INPP5F: variants seen among roughly 807,000 people sequenced by gnomAD.
INPP5F encodes the protein phosphatidylinositide 4-phosphatase SAC2.
Under a neutral mutation model 137.2 loss-of-function variants are expected in INPP5F, and 97 were observed. The observed-to-expected ratio is 0.71, with a 90% CI of 0.60 to 0.84. The LOEUF is 0.84. Ranked by LOEUF, INPP5F falls within the 40% of genes least tolerant of loss-of-function variation. The pLI, the probability that INPP5F is intolerant of heterozygous loss-of-function variation, is 0.00. For synonymous variants in INPP5F, 504 were observed against 476.9 expected (o/e 1.06, Z -0.74); for missense variants, 1,271 against 1,371.9 (o/e 0.93, Z 1.16).
intron 9 of INPP5F, 26 bp from the exon 10 acceptor site, chr10:119,804,146 AT>A: frequency 6.5e-7 from 1 of 1,535,430 alleles, no homozygotes. Context: ...ATCTAACTAA[AT>A]TTTTTCTGTT....
rs148632660 is a variant in INPP5F at position 119,827,223 on chromosome 10, A to G, written c.2842A>G (p.Ile948Val). The G allele has an allele frequency of 9.3e-6, 15 of 1,614,036 alleles. No homozygotes were observed. In the African/African-American group the frequency reaches 9.3e-5, roughly 10 times the overall value. ...AAGTCCTTCTGCTGGCGACGTACAC[A>G]TATTGACTGGCTTTGCCAAGCCTAT... ...KKSPSAGDVHILTGFAKPMDI... is the reference protein window; with the variant it reads ...KKSPSAGDVHVLTGFAKPMDI... Residue 948 changes from isoleucine (I) to valine (V), a missense_variant, in exon 20 of 20, where the codon ATA becomes GTA. Physicochemically the swap from Ile to Val is conservative, Grantham distance 29. Transcript: ENST00000650623.
At chr10:119,745,729 A>G in intron 1 of INPP5F, among the ~76,000 whole-genome samples, 1 of 123,076 alleles carries the variant, frequency 8.1e-6, no homozygotes. Flanking sequence ...TTTTGAGATG[A>G]AGCCTCACTC....
chr10:119,800,750 A>G (rs1850559425), intron 9 of INPP5F, among the ~76,000 whole-genome samples: 2 of 151,940 alleles, frequency 1.3e-5, no homozygotes, highest in African/African-American at 4.8e-5. Context: ...TAAAAAAGTT[A>G]AGAAGCTTAG....
intron 1 of INPP5F, among the ~76,000 whole-genome samples, chr10:119,745,292 C>T (rs1040466553): frequency 1.3e-5 from 2 of 152,046 alleles, no homozygotes; most frequent in African/African-American, 4.8e-5. Flanking sequence ...ACTACCAGCT[C>T]ACTCCCTAAG....
At position 119,820,876 on chromosome 10, in the gene INPP5F, T is replaced by C; in HGVS notation, c.1917T>C (p.Asp639=). The change falls in exon 16 of 20, where the codon GAT becomes GAC. Residue 639 remains aspartate (D), a synonymous_variant. Transcript: ENST00000650623. ...SLIDATHRDV[D]VLLLLSNSAY... is the part of the protein sequence containing the mutation. ...TTGATGCTACTCACAGAGACGTGGA[T>C]GTGCTGTTACTGCTTTCTAACTCTG... 6.2e-7 allele frequency: 1 copy of C among 1,612,196 alleles called. No homozygotes were observed. The highest frequency in any genetic ancestry group is 1.1e-5 in the South Asian group (1 of 91,050).
intron 2 of INPP5F, among the ~76,000 whole-genome samples, chr10:119,777,544 AATAAT>A (rs1164004934): frequency 6.6e-6 from 1 of 152,088 alleles, no homozygotes; most frequent in Non-Finnish European, 1.5e-5. Flanking sequence ...AAATAAATAA[AATAAT>A]ATAAGTTAGA....
Position 119,791,466 on chromosome 10 carries a change from TTTAAC to T in INPP5F, c.316-50_316-46del, listed in dbSNP as rs747395742. 54 of 1,461,596 alleles carry T rather than the reference TTTAAC, an allele frequency of 3.7e-5. No homozygotes were observed. In the African/African-American group the frequency reaches 5.9e-4, roughly 16 times the overall value. 90.5% of individuals were successfully genotyped at this position (1,461,596 alleles called of 1,614,324 possible). Reference sequence around the variant, plus strand: ...TAGCATTCACTTTTGCACTCGAACATTTAACAAACAGGTATTAGTAATAACAAATC... The same window carrying T: ...TAGCATTCACTTTTGCACTCGAACATAAACAGGTATTAGTAATAACAAATC... On this transcript the variant is annotated intron_variant, in intron 3 of 19. Coordinates refer to ENST00000650623, the MANE Select transcript of INPP5F (RefSeq NM_014937.4).
At chr10:119,811,729 A>G in intron 14 of INPP5F, 28 bp from the exon 15 acceptor site, 1 of 1,542,604 alleles carries the variant, frequency 6.5e-7, no homozygotes, top group South Asian at 1.2e-5. Context: ...AACTAAAATG[A>G]TGATAGATAT....
rs1851660681 is a variant in INPP5F, at chr10:119,823,862, A to G, written c.2209A>G (p.Met737Val). ...GATGCTGCAGATCACCAAGCAAGCC[A>G]TGGGATCGGATTTACCCATAATTGA... ...AEMLQITKQAMGSDLPIIEKK... is the reference protein window; with the variant it reads ...AEMLQITKQAVGSDLPIIEKK... The change falls in exon 19 of 20, where the codon ATG becomes GTG. Residue 737 changes from methionine to valine, a missense_variant. Coordinates refer to ENST00000650623, the MANE Select transcript of INPP5F (RefSeq NM_014937.4). 1 of 1,614,132 alleles carries G rather than the reference A, an allele frequency of 6.2e-7. No individual in the cohort carries two copies. Among genetic ancestry groups the G allele is most frequent in the Non-Finnish European group, 8.5e-7 (1 of 1,179,996 alleles).
In INPP5F at chr10:119,792,148, C is replaced by A. The variant is rs1005753813; in HGVS notation, c.613-9C>A. 4.3e-6 allele frequency: 7 copies of A among 1,613,916 alleles called. No homozygotes were observed. The African/African-American group carries it at 9.3e-5, about 22-fold the overall frequency. On this transcript the variant is annotated splice_polypyrimidine_tract_variant and intron_variant, in intron 5 of 19. Transcript: ENST00000650623. Reference sequence around the variant, plus strand: ...TGTTTCTGAACTATTGTTCCTGCACCTTTTCTAGGTTGATGACCGATTTTT... The same window carrying A: ...TGTTTCTGAACTATTGTTCCTGCACATTTTCTAGGTTGATGACCGATTTTT...
chr10:119,735,696 T>G (rs1252268294), intron 1 of INPP5F, among the ~76,000 whole-genome samples: 1 of 152,216 alleles, frequency 6.6e-6, no homozygotes, highest in Non-Finnish European at 1.5e-5. Context: ...AGGCAGGGAC[T>G]TCCAGAATTC....
intron 3 of INPP5F, among the ~76,000 whole-genome samples, chr10:119,785,569 AGAGAGAGAGACT>A (rs1434869828): frequency 6.6e-6 from 1 of 151,184 alleles, no homozygotes; most frequent in African/African-American, 2.4e-5. Context: ...AGAGAGAGAG[AGAGAGAGAGACT>A]GAGACTGACT....
At chr10:119,742,935 T>C (rs1436508271) in intron 1 of INPP5F, among the ~76,000 whole-genome samples, 9 of 152,020 alleles carry the variant, frequency 5.9e-5, no homozygotes, top group Non-Finnish European at 1.2e-4. Context: ...GAGGTTGCCA[T>C]GAGCCGAGAT....
intron 15 of INPP5F, chr10:119,819,510 T>C (rs772904444): frequency 1.0e-4 from 166 of 1,605,606 alleles, no homozygotes; most frequent in Non-Finnish European, 1.3e-4. Context: ...TTTTTATGGC[T>C]TGGCTCAAGC....
intron 1 of INPP5F, among the ~76,000 whole-genome samples, chr10:119,726,850 A>G (rs1480905580): frequency 6.6e-6 from 1 of 152,242 alleles, no homozygotes; most frequent in Admixed American, 6.5e-5. Flanking sequence ...GTCCCTTATT[A>G]TTAAAGGTGT....
chr10:119,819,842 C>A, intron 15 of INPP5F: 1 of 246,046 alleles, frequency 4.1e-6, no homozygotes, highest in Non-Finnish European at 7.7e-6. Context: ...ATGGTAAATC[C>A]TTCCCTGCAG....
At chr10:119,799,664 A>G (rs1301781742) in intron 9 of INPP5F, among the ~76,000 whole-genome samples, 1 of 152,224 alleles carries the variant, frequency 6.6e-6, no homozygotes, top group East Asian at 1.9e-4. Context: ...GCCATTTTGA[A>G]GGTATTATCA....
chr10:119,768,063 C>T (rs1159085226), intron 2 of INPP5F, among the ~76,000 whole-genome samples: 1 of 152,192 alleles, frequency 6.6e-6, no homozygotes, highest in Non-Finnish European at 1.5e-5. Flanking sequence ...CAACATGTCT[C>T]CATCCTCTGA....
intron 1 of INPP5F, among the ~76,000 whole-genome samples, chr10:119,731,331 TAAAAAA>T (rs71482611): frequency 2.1e-5 from 3 of 144,252 alleles, no homozygotes; most frequent in African/African-American, 7.6e-5. Flanking sequence ...GGTATTTACT[TAAAAAA>T]AAAAAAGGAT....
Sources: allele counts gnomAD v4.1 joint callset (sites outside exome capture counted in the v4.1 genomes callset), GRCh38; gene constraint gnomAD v4.1.1; transcripts MANE v1.5; gene names NCBI Gene and HGNC (gene_info 2026-07-23, HGNC 2026-07-21).